The following UTRN variants were observed in gnomAD, a reference collection of about 807,000 sequenced individuals.
UTRN encodes dystrophin-related protein 1.
A neutral mutation model predicts 463.9 loss-of-function variants in UTRN; 283 were observed. That is an observed-to-expected ratio of 0.61 (90% CI 0.55 to 0.67). The LOEUF (loss-of-function observed/expected upper bound fraction) is 0.67, where lower values mean the gene tolerates loss of function less well. Ranked by LOEUF, UTRN falls within the 30% of genes least tolerant of loss-of-function variation. UTRN has a pLI of 0.00. For synonymous variants in UTRN, 1,442 were observed against 1,431.5 expected (o/e 1.01, Z -0.17); for missense variants, 3,922 against 4,084.3 (o/e 0.96, Z 1.08).
intron 23 of UTRN, among the ~76,000 whole-genome samples, chr6:144,466,293 C>T (rs182140463): frequency 1.3e-3 from 197 of 152,268 alleles, no homozygotes; most frequent in African/African-American, 4.6e-3. Flanking sequence ...TTCTGCTATC[C>T]TTCAATATTT....
At chr6:144,368,232 C>T (rs1779675319) in intron 2 of UTRN, among the ~76,000 whole-genome samples, 1 of 152,104 alleles carries the variant, frequency 6.6e-6, no homozygotes. Context: ...TAATTCTGGC[C>T]ATTGATTTCT....
intron 53 of UTRN, 25 bp downstream of exon 53, chr6:144,700,268 C>T (rs1344606534): frequency 1.3e-5 from 20 of 1,579,688 alleles, no homozygotes; most frequent in Admixed American, 1.8e-5. Context: ...TATAGTGAGT[C>T]GCTTAATTCA....
At chr6:144,792,345 C>A (rs753502559) in intron 62 of UTRN, among the ~76,000 whole-genome samples, 1 of 152,142 alleles carries the variant, frequency 6.6e-6, no homozygotes, top group Non-Finnish European at 1.5e-5. Flanking sequence ...ATCGGGAGTT[C>A]GAGACTAGCC....
intron 53 of UTRN, among the ~76,000 whole-genome samples, chr6:144,705,326 T>C (rs1267986804): frequency 6.6e-6 from 1 of 152,208 alleles, no homozygotes; most frequent in Non-Finnish European, 1.5e-5. Context: ...TTACCCAAGC[T>C]TCAGTGTATG....
At chr6:144,390,743 G>A (rs911204883) in intron 2 of UTRN, among the ~76,000 whole-genome samples, 10 of 152,036 alleles carry the variant, frequency 6.6e-5, no homozygotes, top group South Asian at 2.1e-4. Context: ...AAATCTTTCC[G>A]TGATCCCCTT....
intron 50 of UTRN, among the ~76,000 whole-genome samples, chr6:144,573,114 T>C (rs1801108700): frequency 6.6e-6 from 1 of 152,198 alleles, no homozygotes; most frequent in African/African-American, 2.4e-5. Flanking sequence ...TGGTATCTCA[T>C]TGTGGTTTTG....
Position 144,797,946 on chromosome 6 carries a change from G to A in UTRN, c.9201G>A (p.Gln3067=), listed in dbSNP as rs751929216. ...CAGCAGCGGAGACTGCAAAACATCA[G>A]GCCAAATGCAACATCTGTAAAGAAT... ...RVAAAETAKH[Q]AKCNICKECP... The change falls in exon 64 of 75, where the codon CAG becomes CAA. Residue 3067 remains glutamine, a synonymous_variant. Coordinates refer to ENST00000367545, the MANE Select transcript of UTRN (RefSeq NM_007124.3). 1 of 1,614,110 alleles carries A rather than the reference G, an allele frequency of 6.2e-7. No individual in the cohort carries two copies. Among genetic ancestry groups the A allele is most frequent in the Non-Finnish European group, 8.5e-7 (1 of 1,180,008 alleles).
At chr6:144,396,373 G>T (rs1562339333) in intron 2 of UTRN, among the ~76,000 whole-genome samples, 1 of 152,130 alleles carries the variant, frequency 6.6e-6, no homozygotes, top group Non-Finnish European at 1.5e-5. Flanking sequence ...AGGGGCTGGT[G>T]GGTATGGGGA....
chr6:144,644,365 T>C (rs1328092307), intron 51 of UTRN, among the ~76,000 whole-genome samples: 1 of 152,184 alleles, frequency 6.6e-6, no homozygotes, highest in Non-Finnish European at 1.5e-5. Context: ...ATTGGGTTTT[T>C]GAATAAAATA....
Position 144,428,897 on chromosome 6 carries a change from T to C in UTRN, c.694+4T>C, listed in dbSNP as rs1415186618. On this transcript the variant is annotated splice_donor_region_variant and intron_variant, in intron 8 of 74. Coordinates refer to ENST00000367545, the MANE Select transcript of UTRN (RefSeq NM_007124.3). ...GAAAAGCTGTTAGATCCTGAAGGTA[T>C]TGTCCAGTATTTAATTTCCACCTTG... 6.4e-7 allele frequency: 1 copy of C among 1,566,658 alleles called. No individual in the cohort carries two copies. Among genetic ancestry groups the C allele is most frequent in the South Asian group, 1.2e-5 (1 of 85,714 alleles).
intron 54 of UTRN, among the ~76,000 whole-genome samples, chr6:144,743,354 T>C (rs1320538469): frequency 6.6e-6 from 1 of 152,222 alleles, no homozygotes; most frequent in African/African-American, 2.4e-5. Context: ...TAAATATCTA[T>C]CATTATTTCA....
At chr6:144,508,706 C>CT (rs752948611) in intron 34 of UTRN, among the ~76,000 whole-genome samples, 1 of 152,136 alleles carries the variant, frequency 6.6e-6, no homozygotes, top group Non-Finnish European at 1.5e-5. Flanking sequence ...TCTGCTAGCT[C>CT]TTTTATAGTT....
chr6:144,472,262 C>A (rs1273598086), intron 23 of UTRN, among the ~76,000 whole-genome samples: 2 of 151,520 alleles, frequency 1.3e-5, no homozygotes, highest in African/African-American at 4.8e-5. Context: ...ACATGGATAC[C>A]AATAATAGGC....
Position 144,570,821 on chromosome 6 carries a change from T to C in UTRN, c.7290-6278T>C, listed in dbSNP as rs1800871232. On this transcript the variant is annotated intron_variant, in intron 50 of 74. Coordinates refer to ENST00000367545, the MANE Select transcript of UTRN (RefSeq NM_007124.3). Reference sequence around the variant, plus strand: ...ACCGTAGGTTGTCTACCTCCCCTCGTAGCCTTGTCCTTTATACTTGCTAGG... The same window carrying C: ...ACCGTAGGTTGTCTACCTCCCCTCGCAGCCTTGTCCTTTATACTTGCTAGG... Among the ~76,000 whole-genome samples the C allele has an allele frequency of 2.0e-5, 3 of 152,208 alleles. No homozygotes were observed. In the South Asian group the frequency reaches 6.2e-4, roughly 31 times the overall value.
chr6:144,791,349 T>C (rs1167955567), intron 62 of UTRN, among the ~76,000 whole-genome samples: 2 of 152,142 alleles, frequency 1.3e-5, no homozygotes, highest in Non-Finnish European at 2.9e-5. Context: ...ATATTCCTTG[T>C]TTAGTTTCTA....
chr6:144,707,114 A>G (rs1282070001), intron 53 of UTRN: 2 of 152,166 alleles, frequency 1.3e-5, no homozygotes, highest in Non-Finnish European at 2.9e-5. Context: ...ATTAAATTCA[A>G]ATTAAATTAA....
Position 144,748,476 on chromosome 6 carries a change from C to T in UTRN, c.8170C>T (p.Leu2724Phe), listed in dbSNP as rs1790999975. The change falls in exon 55 of 75, where the codon CTC (leucine) becomes TTC (phenylalanine). Residue 2724 changes from leucine to phenylalanine, a missense_variant. Coordinates refer to ENST00000367545, the MANE Select transcript of UTRN (RefSeq NM_007124.3). Reference protein sequence around the residue: ...RNGWKPVGDLLIDSLQDHIEK... With the variant: ...RNGWKPVGDLFIDSLQDHIEK... ...TGGCTGGAAGCCCGTGGGAGACTTA[C>T]TCATTGACTCGCTGCAGGATCACAT... 1 of 1,613,816 alleles carries T rather than the reference C, an allele frequency of 6.2e-7. No homozygotes were observed. Among genetic ancestry groups the T allele is most frequent in the Admixed American group, 1.7e-5 (1 of 59,988 alleles).
chr6:144,590,461 A>G (rs1802920151), intron 51 of UTRN, among the ~76,000 whole-genome samples: 1 of 152,344 alleles, frequency 6.6e-6, no homozygotes, highest in Middle Eastern at 3.4e-3. Flanking sequence ...TTAAAAGGAC[A>G]TAATAGCTCC....
chr6:144,550,875 C>A, intron 47 of UTRN, 90 bp from the exon 48 acceptor site: 2 of 1,155,208 alleles, frequency 1.7e-6, no homozygotes, highest in Non-Finnish European at 2.4e-6. Flanking sequence ...AGGAAAACAA[C>A]GACAACTTTG....
Sources: allele counts gnomAD v4.1 joint callset (sites outside exome capture counted in the v4.1 genomes callset), GRCh38; gene constraint gnomAD v4.1.1; transcripts MANE v1.5; gene names NCBI Gene and HGNC (gene_info 2026-07-23, HGNC 2026-07-21).